Variants in CDH13 observed in about 807,000 individuals in gnomAD.
CDH13 encodes cadherin-13.
Under a neutral mutation model 63.8 loss-of-function variants are expected in CDH13, and 24 were observed. The observed-to-expected ratio is 0.38, with a 90% confidence interval of 0.27 to 0.53. The LOEUF is 0.53. CDH13 is among the 20% of genes least tolerant of loss of function. CDH13 has a pLI of 0.85. For missense variants in CDH13, 1,049 were observed against 903.1 expected, an observed-to-expected ratio of 1.16 and a Z score of -2.07; for synonymous variants, 503 against 355.3, an observed-to-expected ratio of 1.42 and a Z score of -4.67.
chr16:82,938,296 C>T (rs991530760), intron 2 of CDH13, among the ~76,000 whole-genome samples: 1 of 152,172 alleles, frequency 6.6e-6, no homozygotes, highest in African/African-American at 2.4e-5. Context: ...AAGGTGAATG[C>T]ACTCCTACAG....
chr16:83,733,572 TC>T (rs1911250300), intron 10 of CDH13, among the ~76,000 whole-genome samples: 1 of 152,148 alleles, frequency 6.6e-6, no homozygotes, highest in South Asian at 2.1e-4. Context: ...CTCACTGTGG[TC>T]CCCGCTGCAG....
intron 1 of CDH13, among the ~76,000 whole-genome samples, chr16:82,690,581 T>G (rs1915547810): frequency 6.6e-6 from 1 of 152,106 alleles, no homozygotes; most frequent in South Asian, 2.1e-4. Flanking sequence ...GTTCATCTCG[T>G]GAGAATGAGC....
intron 1 of CDH13, among the ~76,000 whole-genome samples, chr16:82,726,079 C>T (rs1416361009): frequency 6.6e-6 from 1 of 152,096 alleles, no homozygotes; most frequent in Non-Finnish European, 1.5e-5. Context: ...AATCATGGGA[C>T]ATTTCTGGTG....
At chr16:82,813,770 A>G (rs138428682) in intron 1 of CDH13, among the ~76,000 whole-genome samples, 2 of 152,308 alleles carry the variant, frequency 1.3e-5, no homozygotes, top group African/African-American at 4.8e-5. Flanking sequence ...GGCTGCCTCC[A>G]TCTACAGGAC....
At chr16:82,716,783 C>T (rs1036761855) in intron 1 of CDH13, among the ~76,000 whole-genome samples, 2 of 151,376 alleles carry the variant, frequency 1.3e-5, no homozygotes, top group Non-Finnish European at 2.9e-5. Context: ...TTTTAATGAG[C>T]CCAGACTTCA....
At chr16:83,292,117 C>G (rs1379809411) in intron 5 of CDH13, among the ~76,000 whole-genome samples, 1 of 152,144 alleles carries the variant, frequency 6.6e-6, no homozygotes, top group Non-Finnish European at 1.5e-5. Context: ...TGTAACAAAA[C>G]ATAAGATCAA....
intron 9 of CDH13, among the ~76,000 whole-genome samples, chr16:83,671,202 C>G (rs1428737195): frequency 6.6e-6 from 1 of 152,164 alleles, no homozygotes; most frequent in Non-Finnish European, 1.5e-5. Context: ...AATACCCAAA[C>G]TTATGTGTAA....
intron 8 of CDH13, among the ~76,000 whole-genome samples, chr16:83,627,072 C>G (rs1395784176): frequency 6.6e-6 from 1 of 151,004 alleles, no homozygotes; most frequent in East Asian, 2.0e-4. Context: ...TACCTAAGCT[C>G]AGGAGTTCAA....
At chr16:83,327,555 G>C (rs1224665263) in intron 5 of CDH13, among the ~76,000 whole-genome samples, 1 of 152,194 alleles carries the variant, frequency 6.6e-6, no homozygotes, top group African/African-American at 2.4e-5. Context: ...ATGGAAACAA[G>C]ACAGACAAAT....
chr16:82,683,430 C>T lies in CDH13; in HGVS notation c.45+56293C>T, dbSNP rs550081610. On this transcript the variant is annotated intron_variant, in intron 1 of 13. Transcript: ENST00000567109. Reference sequence around the variant, plus strand: ...GCCATGCCATGAATCTTCCATAGCCCGATGCAATGTCACCCCAGTGACACG... The same window carrying T: ...GCCATGCCATGAATCTTCCATAGCCTGATGCAATGTCACCCCAGTGACACG... Among the ~76,000 whole-genome samples the T allele has an allele frequency of 2.6e-4, 39 of 152,264 alleles. No homozygotes were observed. The South Asian group carries it at 6.6e-3, about 26-fold the overall frequency.
At chr16:82,912,957 A>G (rs979835402) in intron 2 of CDH13, among the ~76,000 whole-genome samples, 2 of 151,384 alleles carry the variant, frequency 1.3e-5, no homozygotes, top group African/African-American at 2.4e-5. Flanking sequence ...AAAAAAAAAA[A>G]GAGTGGTGCT....
chr16:83,019,495 CTTT>C (rs769273795), intron 2 of CDH13, among the ~76,000 whole-genome samples: 18 of 132,294 alleles, frequency 1.4e-4, no homozygotes, highest in Admixed American at 3.9e-4. Context: ...TTAACATTTT[CTTT>C]TTTTTTTTTT....
At chr16:83,362,417 C>G (rs74034195) in intron 6 of CDH13, among the ~76,000 whole-genome samples, 2,236 of 152,328 alleles carry the variant, frequency 0.015, 51 homozygotes, top group African/African-American at 0.052. Context: ...CATTTAGACA[C>G]CTTTTGTCTT....
intron 5 of CDH13, among the ~76,000 whole-genome samples, chr16:83,262,368 T>G (rs1458059514): frequency 6.6e-6 from 1 of 152,202 alleles, no homozygotes; most frequent in African/African-American, 2.4e-5. Context: ...GAGGAATCTC[T>G]TTTCCATGCT....
chr16:82,634,605 T>A (rs1184110694), intron 1 of CDH13, among the ~76,000 whole-genome samples: 1 of 152,242 alleles, frequency 6.6e-6, no homozygotes, highest in East Asian at 1.9e-4. Context: ...TATTCATTTA[T>A]GTAATTGTTT....
chr16:82,646,164 GA>G (rs1328631019), intron 1 of CDH13: 2 of 152,196 alleles, frequency 1.3e-5, no homozygotes, highest in African/African-American at 4.8e-5. Context: ...TGCAAGCTTT[GA>G]ATAATTTTTC....
Position 83,252,761 on chromosome 16 carries a change from T to C in CDH13, c.636+35264T>C, listed in dbSNP as rs999151717. Among the ~76,000 whole-genome samples, 6 of 152,144 alleles carry C rather than the reference T, an allele frequency of 3.9e-5. No individual in the cohort carries two copies. In the East Asian group the frequency reaches 1.2e-3, roughly 29 times the overall value. On this transcript the variant is annotated intron_variant, in intron 5 of 13. Coordinates refer to ENST00000567109, the MANE Select transcript of CDH13 (RefSeq NM_001257.5). ...CCTGACTTCTAATGTGTAGGAATGC[T>C]GCTCAGTATCCTACCGTTCACAGCA...
At chr16:83,291,790 C>G (rs573469876) in intron 5 of CDH13, among the ~76,000 whole-genome samples, 1 of 152,102 alleles carries the variant, frequency 6.6e-6, no homozygotes, top group African/African-American at 2.4e-5. Flanking sequence ...CTGAATTATT[C>G]GGGAAAATGC....
At chr16:82,679,420 T>C (rs1429224975) in intron 1 of CDH13, among the ~76,000 whole-genome samples, 1 of 152,156 alleles carries the variant, frequency 6.6e-6, no homozygotes, top group African/African-American at 2.4e-5. Flanking sequence ...TTTCAAAGGT[T>C]TGCAAAGATT....
Sources: gnomAD v4.1 joint callset for allele counts (sites outside exome capture counted in the v4.1 genomes callset) on GRCh38, gnomAD v4.1.1 for gene constraint, MANE v1.5 for transcripts, NCBI Gene and HGNC (gene_info 2026-07-23, HGNC 2026-07-21) for gene names.